Variants in CACNB2 observed in about 807,000 individuals in gnomAD.
CACNB2 encodes calcium voltage-gated channel auxiliary subunit beta 2, also known as voltage-dependent L-type calcium channel subunit beta-2.
A neutral mutation model predicts 73.3 loss-of-function variants in CACNB2; 42 were observed. The observed-to-expected ratio is 0.57, with a 90% confidence interval of 0.45 to 0.74. The LOEUF is 0.74. Among genes scored for constraint, CACNB2 ranks in the 30% least tolerant of loss-of-function variants. The probability of loss-of-function intolerance (pLI) is 0.00; values close to 1 mark genes in which losing one functional copy is unlikely to be tolerated. For synonymous variants in CACNB2, 348 were observed against 310.3 expected, an observed-to-expected ratio of 1.12 and a Z score of -1.28; for missense variants, 940 against 853.0, an observed-to-expected ratio of 1.10 and a Z score of -1.27.
chr10:18,292,922 A>G (rs2039126730), intron 2 of CACNB2, among the ~76,000 whole-genome samples: 1 of 152,216 alleles, frequency 6.6e-6, no homozygotes. Context: ...TCATCATAGA[A>G]TTTATTATTA....
At chr10:18,146,626 C>T (rs114851894) in intron 1 of CACNB2, among the ~76,000 whole-genome samples, 2,494 of 152,026 alleles carry the variant, frequency 0.016, 69 homozygotes, top group African/African-American at 0.056. Flanking sequence ...CACAGGTGTC[C>T]GCCACCACGC....
intron 3 of CACNB2, among the ~76,000 whole-genome samples, chr10:18,410,092 C>T (rs181260508): frequency 1.4e-4 from 21 of 152,272 alleles, no homozygotes; most frequent in African/African-American, 4.8e-4. Context: ...ACCTCCAGTT[C>T]CACCTCCTTG....
chr10:18,241,457 A>G (rs1211979433), intron 2 of CACNB2, among the ~76,000 whole-genome samples: 2 of 152,128 alleles, frequency 1.3e-5, no homozygotes, highest in Non-Finnish European at 2.9e-5. Flanking sequence ...TAGGGGAGGG[A>G]TAGCATTAGG....
At position 18,527,677 on chromosome 10, in the gene CACNB2, C is replaced by T. The variant is rs745815112; in HGVS notation, c.1034C>T (p.Ser345Phe). 6.2e-7 allele frequency: 1 copy of T among 1,612,280 alleles called. No homozygotes were observed. The highest frequency in any genetic ancestry group is 1.7e-5 in the Admixed American group (1 of 60,008). The change falls in exon 10 of 14, where the codon TCC becomes TTC. Residue 345 changes from serine (S) to phenylalanine (F), a missense_variant. Transcript: ENST00000324631. ...NPSKHAIIER[S>F]NTRSSLAEVQ... ...AGTAAGCACGCAATAATAGAAAGAT[C>T]CAACACAAGGTCAAGCTTAGGTAAG...
intron 2 of CACNB2, among the ~76,000 whole-genome samples, chr10:18,225,928 C>T (rs1485614578): frequency 6.6e-6 from 1 of 152,174 alleles, no homozygotes; most frequent in African/African-American, 2.4e-5. Flanking sequence ...GTGTGAAGCA[C>T]TGGACCTGGC....
At chr10:18,388,193 A>G (rs1589216397) in intron 2 of CACNB2, among the ~76,000 whole-genome samples, 1 of 152,236 alleles carries the variant, frequency 6.6e-6, no homozygotes. Flanking sequence ...TTTTCATGCA[A>G]CAAAAGATGC....
intron 2 of CACNB2, among the ~76,000 whole-genome samples, chr10:18,205,257 C>G (rs1175425511): frequency 6.6e-6 from 1 of 152,154 alleles, no homozygotes. Context: ...AAGGTTACAT[C>G]CCTTTGCTAG....
At chr10:18,448,966 C>T (rs148087583) in intron 3 of CACNB2, among the ~76,000 whole-genome samples, 2,139 of 152,232 alleles carry the variant, frequency 0.014, 20 homozygotes, top group Non-Finnish European at 0.02. Flanking sequence ...TACTGTGAGC[C>T]CAGTGCTGAA....
At chr10:18,206,682 C>A (rs1263795089) in intron 2 of CACNB2, 1 of 152,334 alleles carries the variant, frequency 6.6e-6, no homozygotes, top group African/African-American at 2.4e-5. Flanking sequence ...CATGAACGTC[C>A]CAGTGTGCTC....
intron 1 of CACNB2, among the ~76,000 whole-genome samples, chr10:18,146,433 C>T (rs1420464687): frequency 6.6e-6 from 1 of 151,632 alleles, no homozygotes; most frequent in Non-Finnish European, 1.5e-5. Context: ...CCTCAGCCTC[C>T]TGAGTAGCTG....
At chr10:18,220,869 C>A (rs1020353079) in intron 2 of CACNB2, among the ~76,000 whole-genome samples, 2 of 152,194 alleles carry the variant, frequency 1.3e-5, no homozygotes, top group Non-Finnish European at 2.9e-5. Flanking sequence ...TACAATCCCC[C>A]CTAGTCCGTG....
chr10:18,207,484 G>A (rs535712557), intron 2 of CACNB2, among the ~76,000 whole-genome samples: 4 of 152,316 alleles, frequency 2.6e-5, no homozygotes, highest in African/African-American at 9.6e-5. Context: ...AGAGGTCTTG[G>A]AAGGCATCCC....
chr10:18,395,742 T>G (rs2043684010), intron 2 of CACNB2, among the ~76,000 whole-genome samples: 1 of 152,180 alleles, frequency 6.6e-6, no homozygotes, highest in African/African-American at 2.4e-5. Context: ...CCTGCAGCGA[T>G]GTATTGCTAT....
At position 18,479,052 on chromosome 10, in the gene CACNB2, C is replaced by T. The variant is rs79336020; in HGVS notation, c.334-19303C>T. 2.0e-3 allele frequency among the ~76,000 whole-genome samples: 309 copies of T among 151,614 alleles called. 1 individual carries two copies. The highest frequency in any genetic ancestry group is 7.3e-3 in the African/African-American group (300 of 41,336). On this transcript the variant is annotated intron_variant, in intron 3 of 13. Coordinates refer to ENST00000324631, the MANE Select transcript of CACNB2 (RefSeq NM_201596.3). The stretch of plus-strand genomic sequence containing the variant: ...CAGTCTGGGTGACAAAGTGAGACCC[C>T]GTATCTAATTAAAAAAAAGAAGACA...
rs571420848 is a variant in CACNB2, at chr10:18,284,449, G to A, written c.214-117475G>A. 6.6e-5 allele frequency among the ~76,000 whole-genome samples: 10 copies of A among 152,246 alleles called. No homozygotes were observed. In the East Asian group the frequency reaches 1.9e-3, roughly 29 times the overall value. Reference sequence around the variant, plus strand: ...TTTTCAATTTTTATTCCACTGAAAGGTCAATTCAGATTTGCTAAAGTATCC... The same window carrying A: ...TTTTCAATTTTTATTCCACTGAAAGATCAATTCAGATTTGCTAAAGTATCC... On this transcript the variant is annotated intron_variant, in intron 2 of 13. Transcript: ENST00000324631.
chr10:18,499,715 C>T (rs1377359506), intron 4 of CACNB2, among the ~76,000 whole-genome samples: 1 of 149,630 alleles, frequency 6.7e-6, no homozygotes, highest in Non-Finnish European at 1.5e-5. Context: ...GGTACTATGG[C>T]TCATGCTTCC....
At chr10:18,367,209 AT>A (rs75340843) in intron 2 of CACNB2, among the ~76,000 whole-genome samples, 42,415 of 149,930 alleles carry the variant, frequency 0.28, 6,001 homozygotes, top group South Asian at 0.29. Context: ...AACAAATAGT[AT>A]TTTTTTTTTT....
intron 3 of CACNB2, among the ~76,000 whole-genome samples, chr10:18,475,849 G>A (rs1047361246): frequency 5.3e-5 from 8 of 152,114 alleles, no homozygotes; most frequent in Non-Finnish European, 1.2e-4. Context: ...TTAGGTACAC[G>A]GTCCAGTTCA....
chr10:18,165,378 G>A (rs1440615363), intron 2 of CACNB2, among the ~76,000 whole-genome samples: 1 of 152,200 alleles, frequency 6.6e-6, no homozygotes, highest in African/African-American at 2.4e-5. Flanking sequence ...TCAAAACAGA[G>A]AGAAACGATG....
Sources: gnomAD v4.1 joint callset for allele counts (sites outside exome capture counted in the v4.1 genomes callset) on GRCh38, gnomAD v4.1.1 for gene constraint, MANE v1.5 for transcripts, NCBI Gene and HGNC (gene_info 2026-07-23, HGNC 2026-07-21) for gene names.